The following RNF213 variants were observed in gnomAD, a reference collection of about 807,000 sequenced individuals.
RNF213 encodes E3 ubiquitin-protein ligase RNF213.
In RNF213, 341 loss-of-function variants were observed where a neutral mutation model predicts 514.4. That is an observed-to-expected ratio of 0.66 (90% CI 0.61 to 0.73). The LOEUF (loss-of-function observed/expected upper bound fraction) is 0.73, where lower values mean the gene tolerates loss of function less well. Among genes scored for constraint, RNF213 ranks in the 30% least tolerant of loss-of-function variants. The pLI, the probability that RNF213 is intolerant of heterozygous loss-of-function variation, is 0.00. For synonymous variants in RNF213, 2,655 were observed against 2,658.2 expected (o/e 1.00, Z 0.04); for missense variants, 5,767 against 6,615.6 (o/e 0.87, Z 4.45).
At chr17:80,295,986 ATTT>A (rs1375546819) in intron 10 of RNF213, among the ~76,000 whole-genome samples, 173 bp downstream of exon 10, 1 of 152,042 alleles carries the variant, frequency 6.6e-6, no homozygotes, top group Non-Finnish European at 1.5e-5. Flanking sequence ...CATCTGTCTT[ATTT>A]TTATTATATT....
In RNF213 at chr17:80,396,266, AAAAAT is replaced by A. The variant is rs777505558; in HGVS notation, c.*2776_*2780del. 2.6e-5 allele frequency: 1 copy of A among 38,764 alleles called. No homozygotes were observed. The highest frequency in any genetic ancestry group is 3.4e-4 in the East Asian group (1 of 2,958). The allele number at this position is 38,764 out of a possible 1,614,324, so 2.4% of individuals were successfully genotyped here. ...GACAGAGTGAGACCCTGTCTCAAAAAAAAATAAAATAAGGACCTTATTGTGTGTGC... is the reference window on the plus strand; with the variant it reads ...GACAGAGTGAGACCCTGTCTCAAAAAAAAATAAGGACCTTATTGTGTGTGC... On this transcript the variant is annotated 3_prime_UTR_variant, in exon 68 of 68. Transcript: ENST00000582970.
chr17:80,275,131 A>T (rs1481046269), intron 3 of RNF213, among the ~76,000 whole-genome samples: 4 of 87,310 alleles, frequency 4.6e-5, no homozygotes, highest in Admixed American at 1.2e-4. Flanking sequence ...GGTGTGTGTG[A>T]GTGGTGTGTG....
intron 36 of RNF213, chr17:80,355,127 C>T (rs1160090100): frequency 6.6e-6 from 3 of 453,984 alleles, no homozygotes; most frequent in African/African-American, 4.0e-5. Context: ...TTAAGACAGA[C>T]TCTCAGACCT....
chr17:80,280,413 A>G (rs2044217515), intron 3 of RNF213, among the ~76,000 whole-genome samples: 1 of 152,102 alleles, frequency 6.6e-6, no homozygotes, highest in Non-Finnish European at 1.5e-5. Context: ...CCAACTAATT[A>G]ATGTATAACA....
chr17:80,379,472 C>T (rs898256660), intron 54 of RNF213, 148 bp from the exon 55 acceptor site: 4 of 781,022 alleles, frequency 5.1e-6, no homozygotes, highest in Non-Finnish European at 9.0e-6. Context: ...CCCATGGGTT[C>T]TCCACCCACC....
Position 80,346,290 on chromosome 17 carries a change from A to G in RNF213, c.7955A>G (p.His2652Arg). 1 of 1,614,136 alleles carries G rather than the reference A, an allele frequency of 6.2e-7. No individual in the cohort carries two copies. The highest frequency in any genetic ancestry group is 8.5e-7 in the Non-Finnish European group (1 of 1,180,020). The change falls in exon 29 of 68, where the codon CAC becomes CGC. Residue 2652 changes from histidine (H) to arginine (R), a missense_variant. His to Arg is a conservative substitution (Grantham distance 29). Around this residue, in one of 13 missense-constraint regions of RNF213, gnomAD observed 1,377 missense variants for 1,635.2 expected, o/e 0.84. Transcript: ENST00000582970. The surrounding 1 kb of genome is among the most constrained non-coding windows in gnomAD (Gnocchi z 8.1). ...ERCVKVFRWF[H>R]EHSAMLLAQL... ...TGTGTGAAAGTTTTCAGGTGGTTCC[A>G]CGAGCACAGCGCGATGCTCTTAGCG...
chr17:80,386,334 G>A lies in RNF213; in HGVS notation c.14624G>A (p.Gly4875Asp). Residue 4875 changes from glycine (G) to aspartate (D), a missense_variant, in exon 62 of 68, where the codon GGC becomes GAC. Gly to Asp is a moderately conservative substitution (Grantham distance 94). Around this residue, in one of 13 missense-constraint regions of RNF213, gnomAD observed 1,245 missense variants for 1,339.0 expected, o/e 0.93. Coordinates refer to ENST00000582970, the MANE Select transcript of RNF213 (RefSeq NM_001256071.3). ...GAGATCCTCTTGCCACGCCGACGGG[G>A]CCTGGGCCTCTGTGCTACCGCTCTC... ...EFEILLPRRR[G>D]LGLCATALVS... 2 of 1,614,080 alleles carry A rather than the reference G, an allele frequency of 1.2e-6. No individual in the cohort carries two copies.
At position 80,309,831 on chromosome 17, in the gene RNF213, C is replaced by G. The variant is rs1291306084; in HGVS notation, c.2655+660C>G. Among the ~76,000 whole-genome samples the G allele has an allele frequency of 2.0e-5, 3 of 152,074 alleles. No individual in the cohort carries two copies. The East Asian group carries it at 5.8e-4, about 29-fold the overall frequency. ...AGTGCAGTGGCGTGATCTCGGCTTA[C>G]TGCAAGCTCCGCCTCCTGGGTTCAC... On this transcript the variant is annotated intron_variant, in intron 14 of 67. Coordinates refer to ENST00000582970, the MANE Select transcript of RNF213 (RefSeq NM_001256071.3).
chr17:80,380,932 T>C lies in RNF213; in HGVS notation c.13742T>C (p.Leu4581Pro). ...DRGLPPVVFL[L>P]IRLLTHLALL... is the part of the protein sequence containing the mutation. The stretch of plus-strand genomic sequence containing the variant: ...GGGCTGCCCCCAGTGGTCTTCCTCC[T>C]TATCCGGCTACTCACTCACTTGGCT... The change falls in exon 56 of 68, where the codon CTT (leucine) becomes CCT (proline). Residue 4581 changes from leucine (L) to proline (P), a missense_variant. Leu to Pro is a moderately conservative substitution (Grantham distance 98, BLOSUM62 -3). Transcript: ENST00000582970. The C allele has an allele frequency of 6.2e-7, 1 of 1,614,180 alleles. No individual in the cohort carries two copies. The highest frequency in any genetic ancestry group is 8.5e-7 in the Non-Finnish European group (1 of 1,180,022).
chr17:80,356,105 G>A (rs931704226), intron 36 of RNF213, among the ~76,000 whole-genome samples: 2 of 151,760 alleles, frequency 1.3e-5, no homozygotes, highest in African/African-American at 2.4e-5. Context: ...GGGTTCAAGC[G>A]ATTCTCCTGC....
At chr17:80,271,780 C>T (rs942807429) in intron 2 of RNF213, among the ~76,000 whole-genome samples, 2 of 150,846 alleles carry the variant, frequency 1.3e-5, no homozygotes, top group African/African-American at 4.9e-5. Flanking sequence ...AGTTCAAGAC[C>T]AGCCTGACCA....
Position 80,288,067 on chromosome 17 carries a change from A to C in RNF213, c.514A>C (p.Ser172Arg). 1 of 1,608,434 alleles carries C rather than the reference A, an allele frequency of 6.2e-7. No homozygotes were observed. The highest frequency in any genetic ancestry group is 8.5e-7 in the Non-Finnish European group (1 of 1,176,830). The change falls in exon 4 of 68, where the codon AGC becomes CGC. Residue 172 changes from serine (S) to arginine (R), a missense_variant. By Grantham distance (110) the Ser-to-Arg change is moderately radical. This residue lies in a region of RNF213 where 509 missense variants were observed against 496.7 expected (regional missense o/e 1.02). Coordinates refer to ENST00000582970, the MANE Select transcript of RNF213 (RefSeq NM_001256071.3). The surrounding 1 kb of genome is among the most constrained non-coding windows in gnomAD (Gnocchi z 4.9). Reference sequence around the variant, plus strand: ...CTCCGCGCCCACCGAGGTTGGCGACAGCCCCCTGCAGGCCCAGGCTTTGGG... The same window carrying C: ...CTCCGCGCCCACCGAGGTTGGCGACCGCCCCCTGCAGGCCCAGGCTTTGGG... ...GLSAPTEVGD[S>R]PLQAQALGEA...
intron 15 of RNF213, chr17:80,315,631 ATGG>A (rs2045887241): frequency 1.2e-4 from 2 of 16,222 alleles, no homozygotes; most frequent in East Asian, 4.8e-3. Flanking sequence ...CGTGGAGGTG[ATGG>A]TGGTGGTGGT....
At position 80,343,143 on chromosome 17, in the gene RNF213, T is replaced by C. The variant is rs1207851448; in HGVS notation, c.6001T>C (p.Tyr2001His). The part of the protein sequence containing the change: ...SERAGVGKSL[Y>H]VKRLHDKMKM... ...TATTAATGTTATAGGAAAGTCTCTG[T>C]ACGTGAAGAGGTTGCACGACAAAAT... Residue 2001 changes from tyrosine (Y) to histidine (H), a missense_variant, in exon 27 of 68, where the codon TAC (tyrosine) becomes CAC (histidine). This residue lies in a region of RNF213 where 1,377 missense variants were observed against 1,635.2 expected (regional missense o/e 0.84). Coordinates refer to ENST00000582970, the MANE Select transcript of RNF213 (RefSeq NM_001256071.3). The surrounding 1 kb of genome is among the most constrained non-coding windows in gnomAD (Gnocchi z 4.3). 1 of 1,613,512 alleles carries C rather than the reference T, an allele frequency of 6.2e-7. No individual in the cohort carries two copies. The highest frequency in any genetic ancestry group is 8.5e-7 in the Non-Finnish European group (1 of 1,179,606).
intron 6 of RNF213, 152 bp from the exon 7 acceptor site, chr17:80,290,418 T>C (rs973757724): frequency 3.1e-5 from 27 of 878,830 alleles, no homozygotes; most frequent in Non-Finnish European, 4.8e-5. Flanking sequence ...TGTGTGCGTG[T>C]GTGCGAGTGT....
chr17:80,325,083 C>T lies in RNF213; in HGVS notation c.3078C>T (p.Gly1026=). 1 of 1,537,196 alleles carries T rather than the reference C, an allele frequency of 6.5e-7. No homozygotes were observed. The highest frequency in any genetic ancestry group is 8.7e-7 in the Non-Finnish European group (1 of 1,146,890). The change falls in exon 18 of 68, where the codon GGC becomes GGT. Residue 1026 remains glycine (G), a synonymous_variant. Transcript: ENST00000582970. The part of the protein sequence containing the change: ...GFSYSDLRKF[G]IVLSAVITKS... ...CTTACTCTGATTTGCGGAAATTTGGCATCGTCTTGTCTGCTGTGATCACTA... is the reference window on the plus strand; with the variant it reads ...CTTACTCTGATTTGCGGAAATTTGGTATCGTCTTGTCTGCTGTGATCACTA...
intron 22 of RNF213, among the ~76,000 whole-genome samples, chr17:80,335,797 G>A (rs547953245): frequency 7.9e-5 from 12 of 152,028 alleles, no homozygotes; most frequent in Non-Finnish European, 1.5e-4. Context: ...CCAACATGGT[G>A]AAACCTGGTC....
chr17:80,345,715 C>G lies in RNF213; in HGVS notation c.7380C>G (p.Ile2460Met), dbSNP rs766063689. Residue 2460 changes from isoleucine (I) to methionine (M), a missense_variant, in exon 29 of 68, where the codon ATC becomes ATG. By Grantham distance (10) the Ile-to-Met change is conservative (BLOSUM62 1). This residue lies in a region of RNF213 where 1,377 missense variants were observed against 1,635.2 expected (regional missense o/e 0.84). Transcript: ENST00000582970. The surrounding 1 kb of genome is among the most constrained non-coding windows in gnomAD (Gnocchi z 6.0). The stretch of plus-strand genomic sequence containing the variant: ...ACGGAGGAACAACTGCAGACATGAT[C>G]TACTCCAGAGTCAGGGAGGCTGAAA... ...KVHGGTTADMIYSRVREAENV... is the reference protein window; with the variant it reads ...KVHGGTTADMMYSRVREAENV... 7 of 1,614,240 alleles carry G rather than the reference C, an allele frequency of 4.3e-6. No individual in the cohort carries two copies. The highest frequency in any genetic ancestry group is 5.9e-6 in the Non-Finnish European group (7 of 1,180,044).
rs2079969004 is a variant in RNF213, at chr17:80,380,872, A to G, written c.13682A>G (p.Asn4561Ser). The change falls in exon 56 of 68, where the codon AAC becomes AGC. Residue 4561 changes from asparagine to serine, a missense_variant. Around this residue, in one of 13 missense-constraint regions of RNF213, gnomAD observed 1,245 missense variants for 1,339.0 expected, o/e 0.93. Transcript: ENST00000582970. ...ACGCAGACCGGCCACGTGCTGGGCA[A>G]CCCGCAGCGGAGAGACGTGGTGACA... ...DRTQTGHVLG[N>S]PQRRDVVTCD... 2 of 1,614,138 alleles carry G rather than the reference A, an allele frequency of 1.2e-6. No homozygotes were observed. Among genetic ancestry groups the G allele is most frequent in the Non-Finnish European group, 1.7e-6 (2 of 1,180,024 alleles).
Sources: gnomAD v4.1 joint callset for allele counts (sites outside exome capture counted in the v4.1 genomes callset) on GRCh38, gnomAD v4.1.1 for gene constraint, gnomAD v4.1.1 regional missense constraint, Gnocchi (gnomAD v3.1) non-coding constraint, MANE v1.5 for transcripts, NCBI Gene and HGNC (gene_info 2026-07-23, HGNC 2026-07-21) for gene names.